NRIP1: variants seen among roughly 807,000 people sequenced by gnomAD.
NRIP1 encodes the protein nuclear receptor-interacting protein 1.
A neutral mutation model predicts 75.0 loss-of-function variants in NRIP1; 28 were observed. That is an observed-to-expected ratio of 0.37 (90% CI 0.28 to 0.51). NRIP1 has a LOEUF of 0.51. Among genes scored for constraint, NRIP1 ranks in the 20% least tolerant of loss-of-function variants. The pLI, the probability that NRIP1 is intolerant of heterozygous loss-of-function variation, is 0.92. For synonymous variants in NRIP1, 526 were observed against 487.6 expected, an observed-to-expected ratio of 1.08 and a Z score of -1.04; for missense variants, 1,435 against 1,343.7, an observed-to-expected ratio of 1.07 and a Z score of -1.06.
intron 3 of NRIP1, among the ~76,000 whole-genome samples, chr21:14,986,530 C>G (rs569741430): frequency 1.2e-3 from 187 of 152,270 alleles, no homozygotes; most frequent in African/African-American, 4.1e-3. Flanking sequence ...ACTTTAATAA[C>G]ATTTCTCAGG....
chr21:14,990,466 G>C (rs2087538478), intron 3 of NRIP1, among the ~76,000 whole-genome samples: 1 of 152,200 alleles, frequency 6.6e-6, no homozygotes, highest in Admixed American at 6.5e-5. Context: ...CCTTGAGCAA[G>C]GTTGAAGAGA....
intron 1 of NRIP1, among the ~76,000 whole-genome samples, chr21:15,045,325 TA>T (rs2089046883): frequency 6.6e-6 from 1 of 152,168 alleles, no homozygotes; most frequent in South Asian, 2.1e-4. Flanking sequence ...TCCAGATCAC[TA>T]AAATAAAGCA....
At chr21:14,980,127 AT>A (rs1386263331) in intron 3 of NRIP1, among the ~76,000 whole-genome samples, 1 of 152,206 alleles carries the variant, frequency 6.6e-6, no homozygotes, top group African/African-American at 2.4e-5. Context: ...AATCACAGGG[AT>A]CAAAAGAAAC....
chr21:14,989,770 C>CAT (rs147374030), intron 3 of NRIP1, among the ~76,000 whole-genome samples: 2,434 of 152,118 alleles, frequency 0.016, 71 homozygotes, highest in African/African-American at 0.056. Flanking sequence ...TATACATGAA[C>CAT]ATATATAGTC....
At chr21:14,989,040 G>T (rs1407161316) in intron 3 of NRIP1, among the ~76,000 whole-genome samples, 2 of 152,144 alleles carry the variant, frequency 1.3e-5, no homozygotes, top group African/African-American at 4.8e-5. Flanking sequence ...TTCCTGAAGA[G>T]TTCGCTGCAT....
intron 3 of NRIP1, among the ~76,000 whole-genome samples, chr21:15,003,991 T>A (rs898830932): frequency 5.3e-5 from 8 of 152,088 alleles, no homozygotes; most frequent in African/African-American, 1.9e-4. Context: ...CATATAGATT[T>A]CCCCTCCAAT....
At chr21:15,024,854 G>A (rs1326175558) in intron 2 of NRIP1, among the ~76,000 whole-genome samples, 1 of 152,092 alleles carries the variant, frequency 6.6e-6, no homozygotes, top group Non-Finnish European at 1.5e-5. Context: ...TATAATGTAC[G>A]AAAGGTATGA....
intron 2 of NRIP1, among the ~76,000 whole-genome samples, chr21:15,037,054 A>C (rs541027167): frequency 1.6e-4 from 24 of 152,224 alleles, no homozygotes; most frequent in Non-Finnish European, 3.2e-4. Context: ...AAGCAAAATA[A>C]TAAGCAAAAT....
In NRIP1 at chr21:14,966,350, G is replaced by C. The variant is rs370340230; in HGVS notation, c.1843C>G (p.Gln615Glu). Residue 615 changes from glutamine to glutamate, a missense_variant, in exon 4 of 4, where the codon CAA (glutamine) becomes GAA (glutamate). By Grantham distance (29) the Gln-to-Glu change is conservative (BLOSUM62 2). Coordinates refer to ENST00000318948, the MANE Select transcript of NRIP1 (RefSeq NM_003489.4). ...GCAGAGTTCTGTGCACCTTCATTTTGGGCTGGTTTCTCTCCTGGTGGGTCT... is the reference window on the plus strand; with the variant it reads ...GCAGAGTTCTGTGCACCTTCATTTTCGGCTGGTTTCTCTCCTGGTGGGTCT... The part of the protein sequence containing the change: ...SKDPPGEKPA[Q>E]NEGAQNSATF... The C allele has an allele frequency of 2.5e-5, 40 of 1,613,966 alleles. 1 individual carries two copies. The highest frequency in any genetic ancestry group is 2.0e-4 in the African/African-American group (15 of 74,990).
At chr21:14,996,975 T>G (rs1331556589) in intron 3 of NRIP1, among the ~76,000 whole-genome samples, 1 of 152,056 alleles carries the variant, frequency 6.6e-6, no homozygotes, top group Non-Finnish European at 1.5e-5. Context: ...TACTATCCAG[T>G]TAAAAAATAA....
At chr21:15,056,886 G>C (rs2089319705) in intron 1 of NRIP1, among the ~76,000 whole-genome samples, 1 of 152,066 alleles carries the variant, frequency 6.6e-6, no homozygotes, top group Non-Finnish European at 1.5e-5. Flanking sequence ...CAAGTAAAAG[G>C]AGGTGGAGAA....
intron 3 of NRIP1, among the ~76,000 whole-genome samples, chr21:14,981,116 G>GA (rs2087221182): frequency 6.6e-6 from 1 of 152,058 alleles, no homozygotes; most frequent in Non-Finnish European, 1.5e-5. Flanking sequence ...CAGGATTAAG[G>GA]AATCAAAACC....
chr21:15,057,947 GGCAACA>G (rs1210138681), intron 1 of NRIP1, among the ~76,000 whole-genome samples: 1 of 152,124 alleles, frequency 6.6e-6, no homozygotes, highest in Non-Finnish European at 1.5e-5. Flanking sequence ...AACAGGAAAA[GGCAACA>G]GCCAAGTAAC....
chr21:15,031,556 A>G (rs1472084486), intron 2 of NRIP1, among the ~76,000 whole-genome samples: 1 of 144,188 alleles, frequency 6.9e-6, no homozygotes, highest in East Asian at 2.1e-4. Flanking sequence ...GGTTCACCAC[A>G]TTCCCTTTCT....
At chr21:14,972,872 T>C (rs767554910) in intron 3 of NRIP1, among the ~76,000 whole-genome samples, 2 of 152,204 alleles carry the variant, frequency 1.3e-5, no homozygotes, top group Non-Finnish European at 2.9e-5. Context: ...CTGCCACCGA[T>C]GTGACAGGAG....
At chr21:15,027,998 CTG>C (rs1330389777) in intron 2 of NRIP1, among the ~76,000 whole-genome samples, 1 of 152,144 alleles carries the variant, frequency 6.6e-6, no homozygotes, top group Non-Finnish European at 1.5e-5. Context: ...AAAGCACACA[CTG>C]TTAAGCAATA....
intron 1 of NRIP1, among the ~76,000 whole-genome samples, chr21:15,061,152 C>A (rs2089415204): frequency 1.3e-5 from 2 of 152,170 alleles, no homozygotes; most frequent in Admixed American, 6.5e-5. Context: ...TGAAAATTTT[C>A]TTTGACTTTT....
At chr21:15,001,984 G>A (rs879506339) in intron 3 of NRIP1, among the ~76,000 whole-genome samples, 1 of 152,070 alleles carries the variant, frequency 6.6e-6, no homozygotes, top group Non-Finnish European at 1.5e-5. Context: ...GACGCTTTCA[G>A]TAAAATTATC....
At chr21:14,978,706 A>C (rs2087147714) in intron 3 of NRIP1, among the ~76,000 whole-genome samples, 1 of 152,176 alleles carries the variant, frequency 6.6e-6, no homozygotes. Flanking sequence ...AATTCTCCTC[A>C]GAAGGCCTAG....
Sources: gnomAD v4.1 joint callset for allele counts (sites outside exome capture counted in the v4.1 genomes callset) on GRCh38, gnomAD v4.1.1 for gene constraint, MANE v1.5 for transcripts, NCBI Gene and HGNC (gene_info 2026-07-23, HGNC 2026-07-21) for gene names.